GRIA2: variants seen among roughly 807,000 people sequenced by gnomAD.
The protein encoded by GRIA2 is glutamate ionotropic receptor AMPA type subunit 2.
In GRIA2, 14 loss-of-function variants were observed where a neutral mutation model predicts 97.3. The observed-to-expected ratio is 0.14, with a 90% CI of 0.10 to 0.23. GRIA2 has a LOEUF of 0.23. Ranked by LOEUF, GRIA2 falls within the 10% of genes least tolerant of loss-of-function variation. The pLI, the probability that GRIA2 is intolerant of heterozygous loss-of-function variation, is 1.00. For synonymous variants in GRIA2, 412 were observed against 387.8 expected, an observed-to-expected ratio of 1.06 and a Z score of -0.73; for missense variants, 558 against 1,069.8, an observed-to-expected ratio of 0.52 and a Z score of 6.67.
chr4:157,312,247 C>T (rs1734115062), intron 3 of GRIA2, among the ~76,000 whole-genome samples: 1 of 152,084 alleles, frequency 6.6e-6, no homozygotes, highest in Non-Finnish European at 1.5e-5. Context: ...TCAAAATGTA[C>T]TCGTCTTCTT....
At chr4:157,249,395 T>C (rs974802844) in intron 2 of GRIA2, 1 of 152,166 alleles carries the variant, frequency 6.6e-6, no homozygotes, top group Non-Finnish European at 1.5e-5. Flanking sequence ...CCAGAGTCTT[T>C]AGAACTTCCA....
intron 4 of GRIA2, among the ~76,000 whole-genome samples, chr4:157,315,509 GT>G (rs529422867): frequency 0.024 from 3,630 of 148,222 alleles, 49 homozygotes; most frequent in African/African-American, 0.032. Context: ...TAGGCTATGG[GT>G]TTTTTTTTGT....
At chr4:157,311,321 A>C (rs1734071563) in intron 3 of GRIA2, among the ~76,000 whole-genome samples, 1 of 152,038 alleles carries the variant, frequency 6.6e-6, no homozygotes, top group Non-Finnish European at 1.5e-5. Flanking sequence ...CGCATTTATT[A>C]TTCTAATTAA....
chr4:157,355,509 C>T (rs1227023409), intron 12 of GRIA2, among the ~76,000 whole-genome samples: 2 of 132,884 alleles, frequency 1.5e-5, no homozygotes, highest in Non-Finnish European at 3.2e-5. Flanking sequence ...GCCTGGGGGA[C>T]AAGAACGAGA....
chr4:157,305,832 A>G (rs1488312952), intron 3 of GRIA2, among the ~76,000 whole-genome samples: 1 of 152,106 alleles, frequency 6.6e-6, no homozygotes, highest in African/African-American at 2.4e-5. Context: ...AGCCCCTGCT[A>G]TGTTCCAGGG....
intron 2 of GRIA2, among the ~76,000 whole-genome samples, chr4:157,286,490 G>A (rs1026655785): frequency 2.6e-5 from 4 of 151,306 alleles, no homozygotes; most frequent in Non-Finnish European, 5.9e-5. Flanking sequence ...CAAAGTTAGG[G>A]CTTAATAAGA....
At chr4:157,263,731 TATAGTCAATGAGA>T in intron 2 of GRIA2, among the ~76,000 whole-genome samples, 1 of 152,172 alleles carries the variant, frequency 6.6e-6, no homozygotes, top group Admixed American at 6.6e-5. Flanking sequence ...CTACACAGTA[TATAGTCAATGAGA>T]ATCTTATTAT....
chr4:157,240,187 G>T (rs1022858469), intron 2 of GRIA2, among the ~76,000 whole-genome samples: 1 of 152,086 alleles, frequency 6.6e-6, no homozygotes. Flanking sequence ...ATATGCATGG[G>T]TGTGTGTGCA....
chr4:157,362,695 C>A, intron 14 of GRIA2, 104 bp from the exon 15 acceptor site: 2 of 934,850 alleles, frequency 2.1e-6, no homozygotes, highest in Non-Finnish European at 1.7e-6. Context: ...CAAATGCATT[C>A]TGTGTGACTA....
At chr4:157,282,661 T>C (rs1579329940) in intron 2 of GRIA2, among the ~76,000 whole-genome samples, 1 of 152,204 alleles carries the variant, frequency 6.6e-6, no homozygotes, top group South Asian at 2.1e-4. Flanking sequence ...AGTTTGGTAG[T>C]ACTAATTTTG....
intron 2 of GRIA2, among the ~76,000 whole-genome samples, chr4:157,291,440 C>CTT (rs1273516049): frequency 6.6e-6 from 1 of 151,682 alleles, no homozygotes; most frequent in Non-Finnish European, 1.5e-5. Flanking sequence ...ATATTTTCTC[C>CTT]TATTTTTTTT....
intron 3 of GRIA2, among the ~76,000 whole-genome samples, chr4:157,307,209 T>C (rs768628214): frequency 4.6e-5 from 7 of 152,180 alleles, no homozygotes; most frequent in Non-Finnish European, 1.0e-4. Context: ...TGAAAATGAC[T>C]TGAAATTGTT....
At chr4:157,315,463 A>G (rs1161371639) in intron 4 of GRIA2, among the ~76,000 whole-genome samples, 4 of 151,562 alleles carry the variant, frequency 2.6e-5, no homozygotes, top group Non-Finnish European at 5.9e-5. Flanking sequence ...CCTTATTGCA[A>G]CAGTAGCTTG....
chr4:157,227,288 T>A (rs551622766), intron 2 of GRIA2, among the ~76,000 whole-genome samples: 3 of 152,284 alleles, frequency 2.0e-5, no homozygotes, highest in Admixed American at 2.0e-4. Context: ...TGGATGCTGA[T>A]TCATGCCCAG....
intron 2 of GRIA2, among the ~76,000 whole-genome samples, chr4:157,229,173 T>G (rs1729889449): frequency 1.3e-5 from 2 of 152,232 alleles, no homozygotes. Flanking sequence ...AATTGCTCTA[T>G]TTGCATTAAT....
At chr4:157,256,327 G>T (rs1294613686) in intron 2 of GRIA2, among the ~76,000 whole-genome samples, 3 of 138,898 alleles carry the variant, frequency 2.2e-5, no homozygotes, top group African/African-American at 8.2e-5. Flanking sequence ...ATATATGTTT[G>T]TTATACAGTT....
intron 2 of GRIA2, among the ~76,000 whole-genome samples, chr4:157,229,284 C>T (rs552150728): frequency 3.0e-4 from 45 of 152,122 alleles, no homozygotes; most frequent in Middle Eastern, 3.4e-3. Context: ...GTCTTATTTT[C>T]ATTCTGTGGA....
intron 4 of GRIA2, among the ~76,000 whole-genome samples, chr4:157,315,310 T>G (rs955190967): frequency 6.6e-6 from 1 of 151,552 alleles, no homozygotes; most frequent in Non-Finnish European, 1.5e-5. Flanking sequence ...ACAGAAAGAA[T>G]TAATTTAGAT....
intron 12 of GRIA2, among the ~76,000 whole-genome samples, chr4:157,345,866 G>A (rs1735742481): frequency 6.6e-6 from 1 of 152,046 alleles, no homozygotes; most frequent in Non-Finnish European, 1.5e-5. Context: ...CAAAATAAAG[G>A]TATTTGCCTT....
Sources: gnomAD v4.1 joint callset for allele counts (sites outside exome capture counted in the v4.1 genomes callset) on GRCh38, gnomAD v4.1.1 for gene constraint, MANE v1.5 for transcripts, NCBI Gene and HGNC (gene_info 2026-07-23, HGNC 2026-07-21) for gene names.